The following XIST variants were observed in gnomAD, a reference collection of about 807,000 sequenced individuals.
The protein encoded by XIST is X inactive specific transcript (non-protein coding).
chrX:73,843,708 A>G lies in XIST; in HGVS notation n.9016T>C, dbSNP rs779317835. 2.3e-5 allele frequency: 13 copies of G among 557,030 alleles called. No homozygotes were observed. In the African/African-American group the frequency reaches 2.5e-4, roughly 11 times the overall value. The allele number at this position is 557,030 out of a possible 1,213,427, so 45.9% of individuals were successfully genotyped here. A position where few individuals can be genotyped will look rare whatever the true frequency, so the allele number is the denominator to read the frequency against. ...TTAGAGAATTGAGTTTGTGCACATG[A>G]ACATTCCAAGTGACAGTCTTGAGTA... On this transcript the variant is annotated non_coding_transcript_exon_variant, in exon 1 of 6. Transcript: ENST00000429829.
exon 6 of XIST, chrX:73,825,390 C>T (rs769471195): frequency 1.1e-5 from 6 of 556,734 alleles, no homozygotes; most frequent in Admixed American, 6.7e-5. Flanking sequence ...GTATCCACAA[C>T]GCTTATCACA....
chrX:73,835,481 A>G (rs1422327681), intron 2 of XIST, among the ~76,000 whole-genome samples: 1 of 112,326 alleles, frequency 8.9e-6, no homozygotes, highest in Admixed American at 9.4e-5. Context: ...CACTCAAAAG[A>G]AACTATAATA....
chrX:73,825,591 G>T, exon 6 of XIST: 1 of 514,329 alleles, frequency 1.9e-6, no homozygotes, highest in Non-Finnish European at 3.5e-6. Context: ...TGAACAGCAG[G>T]CCAAATCCAA....
chrX:73,827,901 A>G (rs1439430319), exon 6 of XIST: 1 of 528,695 alleles, frequency 1.9e-6, no homozygotes, highest in African/African-American at 2.2e-5. Context: ...GAAATTAGCA[A>G]GAGAAACATG....
exon 1 of XIST, chrX:73,851,711 G>A: frequency 3.6e-6 from 2 of 559,049 alleles, no homozygotes; most frequent in Non-Finnish European, 6.5e-6. Flanking sequence ...TTTAGCTCAT[G>A]CAATGCACAT....
At chrX:73,843,732 T>A in exon 1 of XIST, 1 of 558,047 alleles carries the variant, frequency 1.8e-6, no homozygotes, top group Non-Finnish European at 3.2e-6. Context: ...CAGTCTTGAG[T>A]AGTGGGCACT....
At chrX:73,842,863 T>A in exon 1 of XIST, 3 of 558,120 alleles carry the variant, frequency 5.4e-6, no homozygotes, top group East Asian at 3.3e-5. Context: ...GCTGCAAATA[T>A]GGACACCTGA....
chrX:73,841,433 A>T, exon 1 of XIST: 1 of 555,125 alleles, frequency 1.8e-6, no homozygotes, highest in Non-Finnish European at 3.3e-6. Context: ...AGGAGCTAGT[A>T]GGGCAAACTG....
chrX:73,847,848 A>C (rs1404657607), exon 1 of XIST: 2 of 557,402 alleles, frequency 3.6e-6, no homozygotes, highest in Non-Finnish European at 3.2e-6. Context: ...TGAACATTGG[A>C]ATTTTGCACA....
intron 1 of XIST, among the ~76,000 whole-genome samples, chrX:73,840,357 A>G (rs762930955): frequency 1.8e-5 from 2 of 111,341 alleles, no homozygotes; most frequent in African/African-American, 3.3e-5. Flanking sequence ...TATGGATATG[A>G]ATTAAAACGG....
intron 2 of XIST, among the ~76,000 whole-genome samples, chrX:73,835,391 A>T (rs1922463833): frequency 8.9e-6 from 1 of 112,502 alleles, no homozygotes; most frequent in Middle Eastern, 4.6e-3. Context: ...GCTATGTGCT[A>T]TAATGGCAGG....
At chrX:73,844,474 G>A (rs1173611349) in exon 1 of XIST, 1 of 557,360 alleles carries the variant, frequency 1.8e-6, no homozygotes, top group African/African-American at 2.2e-5. Context: ...TGCAAAGGGG[G>A]TCTGAGAGTA....
At chrX:73,852,164 A>G in exon 1 of XIST, 1 of 537,180 alleles carries the variant, frequency 1.9e-6, no homozygotes. Flanking sequence ...AAATTTTTAA[A>G]AAGCAGATAT....
chrX:73,832,898 T>G (rs755160816), intron 3 of XIST, among the ~76,000 whole-genome samples: 2 of 111,254 alleles, frequency 1.8e-5, no homozygotes, highest in South Asian at 7.7e-4. Flanking sequence ...TCTTTCTTTT[T>G]AAGAGACTGG....
chrX:73,824,125 A>G, exon 6 of XIST: 1 of 535,379 alleles, frequency 1.9e-6, no homozygotes, highest in Non-Finnish European at 3.4e-6. Context: ...TACAAATTAT[A>G]AATTGATTTT....
At chrX:73,825,007 C>A (rs1603360291) in exon 6 of XIST, 1 of 515,604 alleles carries the variant, frequency 1.9e-6, no homozygotes, top group Non-Finnish European at 3.5e-6. Flanking sequence ...AATATGTAGC[C>A]CATTGACATT....
intron 2 of XIST, chrX:73,837,421 T>G: frequency 2.1e-6 from 1 of 479,305 alleles, no homozygotes; most frequent in Non-Finnish European, 3.7e-6. Context: ...AAACAAAGAG[T>G]CTGAGAAACT....
exon 1 of XIST, chrX:73,850,575 C>CA: frequency 1.8e-6 from 1 of 546,317 alleles, no homozygotes; most frequent in Non-Finnish European, 3.3e-6. Context: ...TGTTGGCCAA[C>CA]GATCATCTGT....
chrX:73,848,326 C>G (rs746245720), exon 1 of XIST: 2 of 555,878 alleles, frequency 3.6e-6, no homozygotes, highest in Non-Finnish European at 6.5e-6. Context: ...ATTAGGTAAC[C>G]AGCACCCTCT....
Sources: allele counts gnomAD v4.1 joint callset (sites outside exome capture counted in the v4.1 genomes callset), GRCh38; gene constraint gnomAD v4.1.1; transcripts MANE v1.5; gene names NCBI Gene and HGNC (gene_info 2026-07-23, HGNC 2026-07-21).